RBPJ: variants seen among roughly 807,000 people sequenced by gnomAD.
RBPJ encodes recombination signal binding protein for immunoglobulin kappa J region.
In RBPJ, 9 loss-of-function variants were observed where a neutral mutation model predicts 67.8. The observed-to-expected ratio is 0.13, with a 90% CI of 0.08 to 0.23. The LOEUF (loss-of-function observed/expected upper bound fraction) is 0.23. RBPJ is among the 10% of genes least tolerant of loss of function. The pLI, the probability that RBPJ is intolerant of heterozygous loss-of-function variation, is 1.00. For missense variants in RBPJ, 305 were observed against 595.6 expected (o/e 0.51, Z 5.08); for synonymous variants, 198 against 203.3 (o/e 0.97, Z 0.22).
At chr4:26,252,864 A>G (rs1167019232) in intron 1 of RBPJ, among the ~76,000 whole-genome samples, 1 of 152,230 alleles carries the variant, frequency 6.6e-6, no homozygotes, top group Non-Finnish European at 1.5e-5. Context: ...AATGATTCAT[A>G]AAAATGGGCA....
At chr4:26,285,438 T>C (rs1199520152) in intron 1 of RBPJ, among the ~76,000 whole-genome samples, 12 of 152,016 alleles carry the variant, frequency 7.9e-5, no homozygotes, top group Admixed American at 7.9e-4. Context: ...CCACCTCTAG[T>C]ATAAGAACAA....
intron 4 of RBPJ, among the ~76,000 whole-genome samples, chr4:26,416,668 A>G (rs1734622526): frequency 6.6e-6 from 1 of 152,230 alleles, no homozygotes; most frequent in African/African-American, 2.4e-5. Flanking sequence ...ATAGCGCATA[A>G]ACAGCTGTTT....
intron 1 of RBPJ, among the ~76,000 whole-genome samples, chr4:26,199,793 G>A (rs1174942639): frequency 2.6e-5 from 4 of 152,208 alleles, no homozygotes; most frequent in African/African-American, 9.6e-5. Context: ...ACTTGGAAAT[G>A]CACTAAAAAC....
chr4:26,336,213 A>G (rs1050038428), intron 1 of RBPJ, among the ~76,000 whole-genome samples: 5 of 152,224 alleles, frequency 3.3e-5, no homozygotes, highest in African/African-American at 7.2e-5. Flanking sequence ...AGAGATATGC[A>G]TGCATGTTTA....
At chr4:26,164,167 C>A (rs1379745205) in intron 1 of RBPJ, among the ~76,000 whole-genome samples, 1 of 152,204 alleles carries the variant, frequency 6.6e-6, no homozygotes, top group East Asian at 1.9e-4. Flanking sequence ...CTGGGATTTT[C>A]AGGGACAGAG....
At chr4:26,319,950 G>C (rs370477466), upstream of RBPJ, 94 of 1,450,084 alleles carry the variant, frequency 6.5e-5, no homozygotes, top group African/African-American at 1.1e-3. Flanking sequence ...GTGGGGCCAG[G>C]TTTGCCCGGG....
At chr4:26,377,525 A>G (rs1729875638) in intron 1 of RBPJ, among the ~76,000 whole-genome samples, 1 of 152,234 alleles carries the variant, frequency 6.6e-6, no homozygotes, top group Non-Finnish European at 1.5e-5. Flanking sequence ...TGCCATTTTA[A>G]AGGCAGTTCA....
At chr4:26,206,410 A>G (rs1489872846) in intron 1 of RBPJ, among the ~76,000 whole-genome samples, 2 of 152,160 alleles carry the variant, frequency 1.3e-5, no homozygotes, top group Non-Finnish European at 1.5e-5. Flanking sequence ...CCAGGAGCTC[A>G]CTGTGGTGCT....
At chr4:26,253,898 C>A (rs1372361203) in intron 1 of RBPJ, among the ~76,000 whole-genome samples, 4 of 149,094 alleles carry the variant, frequency 2.7e-5, no homozygotes, top group Non-Finnish European at 5.9e-5. Flanking sequence ...TCTCCGTTTA[C>A]AAATAGCCTG....
intron 1 of RBPJ, among the ~76,000 whole-genome samples, chr4:26,230,199 A>G (rs1276510253): frequency 1.3e-5 from 2 of 152,002 alleles, no homozygotes; most frequent in Non-Finnish European, 2.9e-5. Flanking sequence ...TAAAAAAAAA[A>G]AAAAAGTCAT....
At chr4:26,155,424 C>T in the RBPJ span, among the ~76,000 whole-genome samples, 3 of 148,338 alleles carry the variant, frequency 2.0e-5, no homozygotes, top group Admixed American at 6.8e-5. Context: ...TTTTAGTTTT[C>T]TCTCTCTCTC....
chr4:26,313,230 T>G (rs1722495248), intron 1 of RBPJ, among the ~76,000 whole-genome samples: 1 of 152,186 alleles, frequency 6.6e-6, no homozygotes, highest in Non-Finnish European at 1.5e-5. Flanking sequence ...AACCATAACT[T>G]CTATTAGAAA....
In RBPJ at chr4:26,242,705, T is replaced by TAAA. The variant is rs1025631996; in HGVS notation, c.-167+79111_-167+79113dup. On this transcript the variant is annotated intron_variant, in intron 1 of 4. Transcript: ENST00000512351. ...TTTCACCAACAGACCCACTCATAGT[T>TAAA]AAAAAAAAAAAAAAAAAAAAAAGTC... is the stretch of plus-strand genomic sequence containing the variant. Among the ~76,000 whole-genome samples, 212 of 100,392 alleles carry TAAA rather than the reference T, an allele frequency of 2.1e-3. 3 individuals carry two copies. The highest frequency in any genetic ancestry group is 0.017 in the Middle Eastern group (3 of 176). The allele number at this position is 100,392 out of a possible 152,430, so 65.9% of individuals were successfully genotyped here. A position where few individuals can be genotyped will look rare whatever the true frequency, so the allele number is the denominator to read the frequency against.
chr4:26,320,576 G>A (rs983715212), upstream of RBPJ: 2 of 584,358 alleles, frequency 3.4e-6, no homozygotes, highest in Non-Finnish European at 5.8e-6. Context: ...CATTGAGGAG[G>A]TGTTTCATCT....
chr4:26,176,294 A>C (rs990958342), intron 1 of RBPJ, among the ~76,000 whole-genome samples: 1 of 152,194 alleles, frequency 6.6e-6, no homozygotes, highest in Non-Finnish European at 1.5e-5. Context: ...TTATGGAGAC[A>C]AAGCAACTTG....
chr4:26,420,475 TG>T, intron 4 of RBPJ, 75 bp from the exon 5 acceptor site: 1 of 956,938 alleles, frequency 1.0e-6, no homozygotes, highest in Non-Finnish European at 1.5e-6. Context: ...ACTTAAACCA[TG>T]GCCATTCTGA....
At chr4:26,333,735 G>A (rs1724494115) in intron 1 of RBPJ, among the ~76,000 whole-genome samples, 1 of 151,978 alleles carries the variant, frequency 6.6e-6, no homozygotes, top group African/African-American at 2.4e-5. Context: ...TGTCACCCAG[G>A]CTGGAATACA....
At chr4:26,304,842 A>G (rs1242025398) in intron 1 of RBPJ, among the ~76,000 whole-genome samples, 4 of 150,788 alleles carry the variant, frequency 2.7e-5, no homozygotes, top group Admixed American at 1.3e-4. Context: ...AAAGTTTTAA[A>G]TTTTGATGAA....
chr4:26,401,324 C>G lies in RBPJ; in HGVS notation c.60-4851C>G, dbSNP rs189081557. On this transcript the variant is annotated intron_variant, in intron 2 of 10. Transcript: ENST00000355476. ...ATCACTAACGGTATGATTTTGTCCT[C>G]ACAAGCTAGGCTACGCAGATTTGAA... is the stretch of plus-strand genomic sequence containing the variant. 5.9e-5 allele frequency among the ~76,000 whole-genome samples: 9 copies of G among 152,340 alleles called. No homozygotes were observed. The South Asian group carries it at 6.2e-4, about 11-fold the overall frequency.
Sources: gnomAD v4.1 joint callset for allele counts (sites outside exome capture counted in the v4.1 genomes callset) on GRCh38, gnomAD v4.1.1 for gene constraint, MANE v1.5 for transcripts, NCBI Gene and HGNC (gene_info 2026-07-23, HGNC 2026-07-21) for gene names.